Variants in DAP3 observed in about 807,000 individuals in gnomAD.
DAP3 encodes death associated protein 3.
Under a neutral mutation model 51.9 loss-of-function variants are expected in DAP3, and 28 were observed. The observed-to-expected ratio is 0.54, with a 90% CI of 0.40 to 0.74. The LOEUF is 0.74. Among genes scored for constraint, DAP3 ranks in the 30% least tolerant of loss-of-function variants. The probability of loss-of-function intolerance (pLI) is 0.00; values close to 1 mark genes in which losing one functional copy is unlikely to be tolerated. For missense variants in DAP3, 458 were observed against 483.5 expected, an observed-to-expected ratio of 0.95 and a Z score of 0.49; for synonymous variants, 170 against 170.3, an observed-to-expected ratio of 1.00 and a Z score of 0.01.
At chr1:155,722,621 C>T (rs979307729) in intron 4 of DAP3, among the ~76,000 whole-genome samples, 1 of 151,840 alleles carries the variant, frequency 6.6e-6, no homozygotes, top group African/African-American at 2.4e-5. Flanking sequence ...TTCTTTTGCT[C>T]TTCTCAATAA....
At chr1:155,690,594 C>T (rs1558328300) in intron 1 of DAP3, among the ~76,000 whole-genome samples, 1 of 141,964 alleles carries the variant, frequency 7.0e-6, no homozygotes, top group Non-Finnish European at 1.5e-5. Flanking sequence ...ATAAAGTCTG[C>T]AATTTTTAAA....
chr1:155,696,363 C>T (rs1654510940), intron 1 of DAP3, among the ~76,000 whole-genome samples: 1 of 151,998 alleles, frequency 6.6e-6, no homozygotes, highest in Admixed American at 6.6e-5. Context: ...TGCAATCTCC[C>T]CTCAATATTT....
At position 155,721,559 on chromosome 1, in the gene DAP3, T is replaced by TC. The variant is rs757230517; in HGVS notation, c.217dup (p.Gln73ProfsTer24). The TC allele has an allele frequency of 6.2e-7, 1 of 1,613,734 alleles. No homozygotes were observed. The highest frequency in any genetic ancestry group is 1.1e-5 in the South Asian group (1 of 91,062). On this transcript the variant is annotated frameshift_variant, in exon 4 of 13. Transcript: ENST00000368336. LOFTEE classifies it high-confidence loss of function. ...GCACGAGGGTCAGCACTACAACATC[T>TC]CCCCCCAGGATTTGGAGACTGTATT...
chr1:155,738,200 C>A lies in DAP3; in HGVS notation c.1155C>A (p.Asn385Lys), dbSNP rs148826948. ...AAAAAGAGCTGCTGTTCCTAAGTAA[C>A]GCGAACCCCTCGCTGCTGGAGCGGC... ...EGKKELLFLS[N>K]ANPSLLERHC... The change falls in exon 13 of 13, where the codon AAC becomes AAA. Residue 385 changes from asparagine to lysine, a missense_variant. By Grantham distance (94) the Asn-to-Lys change is moderately conservative. Transcript: ENST00000368336. 1.2e-6 allele frequency: 2 copies of A among 1,614,196 alleles called. No homozygotes were observed. The highest frequency in any genetic ancestry group is 1.7e-6 in the Non-Finnish European group (2 of 1,180,036).
chr1:155,718,559 C>T (rs539593098), intron 3 of DAP3, among the ~76,000 whole-genome samples: 42 of 151,662 alleles, frequency 2.8e-4, no homozygotes, highest in African/African-American at 8.0e-4. Context: ...TGGTGGCGGG[C>T]GCCTGTAGTC....
At chr1:155,691,576 T>C (rs1198788165) in intron 1 of DAP3, among the ~76,000 whole-genome samples, 1 of 142,054 alleles carries the variant, frequency 7.0e-6, no homozygotes, top group Non-Finnish European at 1.5e-5. Flanking sequence ...TTGCATACAC[T>C]TGTTTTTATT....
Position 155,709,712 on chromosome 1 carries a change from T to C in DAP3, c.-7-61T>C, listed in dbSNP as rs1656454227. On this transcript the variant is annotated intron_variant, in intron 1 of 12. Transcript: ENST00000368336. ...CTATTAATCTATTGTCAGTTTTCCA[T>C]GTTGCACACATCTTTTCCCATTTGT... The C allele has an allele frequency of 1.6e-5, 24 of 1,460,942 alleles. No homozygotes were observed. In the South Asian group the frequency reaches 2.8e-4, roughly 17 times the overall value. 90.5% of individuals were successfully genotyped at this position (1,460,942 alleles called of 1,614,324 possible).
intron 10 of DAP3, among the ~76,000 whole-genome samples, chr1:155,731,723 G>T (rs1367074263): frequency 1.3e-5 from 2 of 152,162 alleles, no homozygotes; most frequent in Non-Finnish European, 2.9e-5. Flanking sequence ...TTGGAAAAGA[G>T]TTTGAGACCC....
rs751517938 is a variant in DAP3 at position 155,729,283 on chromosome 1, G to C, written c.760G>C (p.Gly254Arg). The change falls in exon 9 of 13, where the codon GGT (glycine) becomes CGT (arginine). Residue 254 changes from glycine to arginine, a missense_variant. Coordinates refer to ENST00000368336, the MANE Select transcript of DAP3 (RefSeq NM_004632.4). ...LKELKRQSSLGMFHLLVAVDG... is the reference protein window; with the variant it reads ...LKELKRQSSLRMFHLLVAVDG... ...AGAGCTAAAGAGGCAAAGTTCTTTG[G>C]GTATGTTTCACCTCCTAGTGGCCGT... 6.2e-7 allele frequency: 1 copy of C among 1,614,046 alleles called. No homozygotes were observed. The highest frequency in any genetic ancestry group is 8.5e-7 in the Non-Finnish European group (1 of 1,180,042).
intron 3 of DAP3, among the ~76,000 whole-genome samples, chr1:155,721,166 T>G (rs774121339): frequency 6.6e-6 from 1 of 151,718 alleles, no homozygotes; most frequent in Non-Finnish European, 1.5e-5. Context: ...TGAAACCCCG[T>G]CTCTACTAGA....
chr1:155,721,381 T>C (rs182863365), intron 3 of DAP3, 136 bp from the exon 4 acceptor site: 177 of 385,530 alleles, frequency 4.6e-4, no homozygotes, highest in African/African-American at 3.8e-3. Context: ...TATGTATGTG[T>C]ATATATATAT....
At chr1:155,717,254 TGAGATAG>T in intron 3 of DAP3, 126 bp downstream of exon 3, 1 of 1,431,252 alleles carries the variant, frequency 7.0e-7, no homozygotes. Flanking sequence ...ATAGTGCACC[TGAGATAG>T]CACTCTGGAA....
chr1:155,701,672 C>T (rs901471932), intron 1 of DAP3, among the ~76,000 whole-genome samples: 1 of 109,540 alleles, frequency 9.1e-6, no homozygotes, highest in African/African-American at 4.8e-5. Flanking sequence ...CAAGAATTAT[C>T]AATAAAAAAA....
upstream of DAP3, chr1:155,689,078 C>A (rs1016801674): frequency 2.6e-5 from 39 of 1,484,666 alleles, no homozygotes; most frequent in Non-Finnish European, 3.2e-5. Context: ...GCCGGATGAC[C>A]CGACCCTTTT....
intron 2 of DAP3, among the ~76,000 whole-genome samples, chr1:155,714,697 G>A (rs1007480433): frequency 7.2e-5 from 11 of 152,150 alleles, no homozygotes; most frequent in African/African-American, 2.7e-4. Flanking sequence ...AGAGGTTGTA[G>A]TGAGCTGAGA....
chr1:155,726,118 T>C (rs201699549), intron 6 of DAP3, 99 bp downstream of exon 6: 140 of 1,040,476 alleles, frequency 1.3e-4, no homozygotes, highest in East Asian at 1.3e-3. Context: ...CTTTTCTTTT[T>C]TTTTTTTTTT....
chr1:155,690,335 T>G (rs1379861286), intron 1 of DAP3, among the ~76,000 whole-genome samples: 2 of 140,948 alleles, frequency 1.4e-5, no homozygotes, highest in African/African-American at 6.5e-5. Flanking sequence ...GCGCATTGCT[T>G]GAGCCTAGGA....
chr1:155,722,540 CTG>C (rs1295306038), intron 4 of DAP3, among the ~76,000 whole-genome samples: 3 of 152,066 alleles, frequency 2.0e-5, no homozygotes, highest in Non-Finnish European at 4.4e-5. Flanking sequence ...TATAATGAGA[CTG>C]TATCTTTATT....
intron 9 of DAP3, among the ~76,000 whole-genome samples, chr1:155,730,069 CA>C (rs1659038373): frequency 6.8e-6 from 1 of 146,712 alleles, no homozygotes; most frequent in South Asian, 2.1e-4. Flanking sequence ...TGTATATATA[CA>C]CACATATATA....
Sources: gnomAD v4.1 joint callset for allele counts (sites outside exome capture counted in the v4.1 genomes callset) on GRCh38, gnomAD v4.1.1 for gene constraint, MANE v1.5 for transcripts, NCBI Gene and HGNC (gene_info 2026-07-23, HGNC 2026-07-21) for gene names.